Variants in SLC12A1 observed in about 807,000 individuals in gnomAD.
The protein encoded by SLC12A1 is solute carrier family 12 member 1.
Under a neutral mutation model 130.4 loss-of-function variants are expected in SLC12A1, and 89 were observed. The ratio of observed to expected loss-of-function variants is 0.68; its 90% CI spans 0.58 to 0.81. The LOEUF (loss-of-function observed/expected upper bound fraction) is 0.81, where lower values mean the gene tolerates loss of function less well. SLC12A1 is among the 40% of genes least tolerant of loss of function. The pLI, the probability that SLC12A1 is intolerant of heterozygous loss-of-function variation, is 0.00. For synonymous variants in SLC12A1, 499 were observed against 460.0 expected, an observed-to-expected ratio of 1.08 and a Z score of -1.09; for missense variants, 1,310 against 1,336.4, an observed-to-expected ratio of 0.98 and a Z score of 0.31.
intron 18 of SLC12A1, among the ~76,000 whole-genome samples, chr15:48,268,746 T>C (rs2041860154): frequency 6.6e-6 from 1 of 152,210 alleles, no homozygotes; most frequent in Non-Finnish European, 1.5e-5. Flanking sequence ...AAGATGCTGA[T>C]TTTTCTTTCA....
At chr15:48,250,682 A>ACACACACACACACACACACACT (rs2041637942) in intron 14 of SLC12A1, among the ~76,000 whole-genome samples, 3 of 145,876 alleles carry the variant, frequency 2.1e-5, no homozygotes, top group African/African-American at 7.5e-5. Flanking sequence ...TGCCTCACAC[A>ACACACACACACACACACACACT]CACACACACA....
intron 4 of SLC12A1, 83 bp downstream of exon 4, chr15:48,221,079 T>C: frequency 8.1e-7 from 1 of 1,229,740 alleles, no homozygotes; most frequent in South Asian, 1.2e-5. Flanking sequence ...TAATACTGAA[T>C]GTGAGATGAA....
chr15:48,293,237 T>C (rs889372464), intron 24 of SLC12A1, among the ~76,000 whole-genome samples: 7 of 152,212 alleles, frequency 4.6e-5, no homozygotes, highest in African/African-American at 4.8e-5. Flanking sequence ...AGTTGTAGGT[T>C]AGATCTTCAC....
At chr15:48,302,690 G>GC in intron 26 of SLC12A1, 60 bp from the exon 27 acceptor site, 1 of 1,149,542 alleles carries the variant, frequency 8.7e-7, no homozygotes, top group South Asian at 1.7e-5. Flanking sequence ...AAATACTAGT[G>GC]CCGTTACTAC....
intron 15 of SLC12A1, among the ~76,000 whole-genome samples, chr15:48,254,988 G>A (rs934817554): frequency 2.0e-5 from 3 of 152,120 alleles, no homozygotes; most frequent in African/African-American, 7.2e-5. Context: ...CCCTTATGAT[G>A]AAGATTAGGG....
At position 48,299,132 on chromosome 15, in the gene SLC12A1, A is replaced by T. The variant is rs1188913002; in HGVS notation, c.2961-8A>T. The T allele has an allele frequency of 1.3e-6, 2 of 1,597,812 alleles. No individual in the cohort carries two copies. The highest frequency in any genetic ancestry group is 1.7e-6 in the Non-Finnish European group (2 of 1,175,102). ...ACTGTGAGGCCTCCTTTATAATTCA[A>T]ATTTTAGCTGGAAAGTCTTTGAAGA... On this transcript the variant is annotated splice_region_variant and splice_polypyrimidine_tract_variant and intron_variant, in intron 24 of 26. Coordinates refer to ENST00000380993, the MANE Select transcript of SLC12A1 (RefSeq NM_000338.3).
At position 48,299,144 on chromosome 15, in the gene SLC12A1, A is replaced by G; in HGVS notation, c.2965A>G (p.Lys989Glu). ...CCTTTATAATTCAAATTTTAGCTGG[A>G]AAGTCTTTGAAGAGATGATTGAACC... ...INIRPNKESW[K>E]VFEEMIEPYR... is the part of the protein sequence containing the mutation. Residue 989 changes from lysine (K) to glutamate (E), a missense_variant, in exon 25 of 27, where the codon AAA becomes GAA. Lys to Glu is a moderately conservative substitution (Grantham distance 56). Transcript: ENST00000380993. 1 of 1,599,386 alleles carries G rather than the reference A, an allele frequency of 6.3e-7. No individual in the cohort carries two copies. Among genetic ancestry groups the G allele is most frequent in the Non-Finnish European group, 8.5e-7 (1 of 1,175,758 alleles).
In SLC12A1 at chr15:48,259,387, G is replaced by C. The variant is rs35771892; in HGVS notation, c.2154+76G>C. 7.1e-6 allele frequency: 7 copies of C among 982,252 alleles called. No individual in the cohort carries two copies. The African/African-American group carries it at 1.1e-4, about 16-fold the overall frequency. The allele number at this position is 982,252 out of a possible 1,614,324, so 60.8% of individuals were successfully genotyped here. On this transcript the variant is annotated intron_variant, in intron 17 of 26. Transcript: ENST00000380993. ...GGATTATTTTGGGTGAGGAGAAAAG[G>C]TACATGCAGTGACAGGAAAATAGCA...
intron 9 of SLC12A1, chr15:48,237,169 T>G: frequency 1.6e-6 from 1 of 621,928 alleles, no homozygotes; most frequent in Non-Finnish European, 2.9e-6. Context: ...GGACACTCAA[T>G]CCAGGTTTTG....
chr15:48,224,128 A>T (rs2041252291), intron 4 of SLC12A1: 1 of 152,164 alleles, frequency 6.6e-6, no homozygotes. Context: ...CCTGCCAACA[A>T]CTATGGAGCA....
chr15:48,240,649 G>C (rs35012413), intron 9 of SLC12A1, among the ~76,000 whole-genome samples: 1 of 152,096 alleles, frequency 6.6e-6, no homozygotes, highest in Admixed American at 6.6e-5. Context: ...GTGCTCTGGT[G>C]GGGGGACTCA....
At chr15:48,282,438 G>A (rs2042017734) in intron 20 of SLC12A1, among the ~76,000 whole-genome samples, 1 of 152,042 alleles carries the variant, frequency 6.6e-6, no homozygotes, top group African/African-American at 2.4e-5. Context: ...CAAACTAGAG[G>A]ACAAAGAGCA....
chr15:48,228,312 AAG>A (rs1465331903), intron 5 of SLC12A1: 1 of 152,744 alleles, frequency 6.5e-6, no homozygotes, highest in Non-Finnish European at 1.5e-5. Context: ...TCCAAGGGAG[AAG>A]TAATTGTTCC....
In SLC12A1 at chr15:48,288,162, T is replaced by C; in HGVS notation, c.2749T>C (p.Phe917Leu). ...AGGCACAATTGATGTTTGGTGGTTG[T>C]TTGATGATGGAGGTAAAAACTTTCA... ...EKGTIDVWWL[F>L]DDGGLTLLIP... is the part of the protein sequence containing the mutation. The change falls in exon 22 of 27, where the codon TTT (phenylalanine) becomes CTT (leucine). Residue 917 changes from phenylalanine (F) to leucine (L), a missense_variant. Phe to Leu is a conservative substitution (Grantham distance 22). Transcript: ENST00000380993. 6.2e-7 allele frequency: 1 copy of C among 1,609,226 alleles called. No homozygotes were observed. The highest frequency in any genetic ancestry group is 8.5e-7 in the Non-Finnish European group (1 of 1,177,746).
rs138382420 is a variant in SLC12A1, at chr15:48,267,615, G to A, written c.2209G>A (p.Ala737Thr). The change falls in exon 18 of 27, where the codon GCC becomes ACC. Residue 737 changes from alanine (A) to threonine (T), a missense_variant. Ala to Thr is a moderately conservative substitution (Grantham distance 58, BLOSUM62 0). Coordinates refer to ENST00000380993, the MANE Select transcript of SLC12A1 (RefSeq NM_000338.3). ...EMNSGMAKKQ[A>T]WLIKNKIKAF... ...GAACAGTGGCATGGCGAAAAAACAG[G>A]CCTGGCTTATAAAGAACAAAATCAA... The A allele has an allele frequency of 3.2e-4, 511 of 1,613,638 alleles. 1 individual carries two copies. Among genetic ancestry groups the A allele is most frequent in the Non-Finnish European group, 4.2e-4 (494 of 1,179,636 alleles).
In SLC12A1 at chr15:48,225,778, T is replaced by C. The variant is rs1210835590; in HGVS notation, c.629-698T>C. Reference sequence around the variant, plus strand: ...GGTCCTTTGATGTTTACCCTAGACTTGCTGGTTTTTATGTAAATGATCCAA... The same window carrying C: ...GGTCCTTTGATGTTTACCCTAGACTCGCTGGTTTTTATGTAAATGATCCAA... On this transcript the variant is annotated intron_variant, in intron 4 of 26. Transcript: ENST00000380993. 3 of 365,560 alleles carry C rather than the reference T, an allele frequency of 8.2e-6. No homozygotes were observed. In the East Asian group the frequency reaches 4.9e-4, roughly 60 times the overall value. 22.6% of individuals were successfully genotyped at this position (365,560 alleles called of 1,614,324 possible).
intron 19 of SLC12A1, 31 bp from the exon 20 acceptor site, chr15:48,274,540 A>C (rs745976668): frequency 6.7e-7 from 1 of 1,503,488 alleles, no homozygotes; most frequent in South Asian, 1.1e-5. Flanking sequence ...AGAGCCATTT[A>C]AAACGCTGAC....
intron 20 of SLC12A1, among the ~76,000 whole-genome samples, chr15:48,281,780 T>C (rs1042554915): frequency 3.3e-5 from 5 of 152,216 alleles, no homozygotes; most frequent in Admixed American, 2.0e-4. Flanking sequence ...GTGGTGATGA[T>C]AGAAAAAGTA....
Position 48,289,394 on chromosome 15 carries a change from C to CATAT in SLC12A1, c.2873+910_2873+913dup, listed in dbSNP as rs10609887. ...AGGATGTATTATGCTGTGAATGTGA[C>CATAT]ATATATATATATATATATATATATA... On this transcript the variant is annotated intron_variant, in intron 23 of 26. Coordinates refer to ENST00000380993, the MANE Select transcript of SLC12A1 (RefSeq NM_000338.3). Among the ~76,000 whole-genome samples, 111 of 112,840 alleles carry CATAT rather than the reference C, an allele frequency of 9.8e-4. 1 individual carries two copies. Among genetic ancestry groups the CATAT allele is most frequent in the Middle Eastern group, 4.1e-3 (1 of 244 alleles). 74.0% of individuals were successfully genotyped at this position (112,840 alleles called of 152,430 possible).
Sources: gnomAD v4.1 joint callset for allele counts (sites outside exome capture counted in the v4.1 genomes callset) on GRCh38, gnomAD v4.1.1 for gene constraint, MANE v1.5 for transcripts, NCBI Gene and HGNC (gene_info 2026-07-23, HGNC 2026-07-21) for gene names.